The following TET3 variants were observed in gnomAD, a reference collection of about 807,000 sequenced individuals.
TET3 encodes methylcytosine dioxygenase TET3.
TET3 carries 19 observed loss-of-function variants against 141.4 expected under a neutral mutation model. The ratio of observed to expected loss-of-function variants is 0.13; its 90% CI spans 0.09 to 0.20. TET3 has a LOEUF of 0.20. TET3 is among the 10% of genes least tolerant of loss of function. The pLI is 1.00. For missense variants in TET3, 1,874 were observed against 2,356.9 expected, an observed-to-expected ratio of 0.80 and a Z score of 4.24; for synonymous variants, 1,043 against 980.9, an observed-to-expected ratio of 1.06 and a Z score of -1.18.
intron 7 of TET3, 150 bp downstream of exon 7, chr2:74,088,188 G>T (rs952381775): frequency 1.2e-6 from 1 of 836,818 alleles, no homozygotes; most frequent in Non-Finnish European, 1.8e-6. Context: ...GTTGAGGAAG[G>T]CATATCCACA....
rs764395317 is a variant in TET3, at chr2:74,089,920, A to G, written c.2912A>G (p.Lys971Arg). Residue 971 changes from lysine (K) to arginine (R), a missense_variant, in exon 8 of 12, where the codon AAA becomes AGA. Coordinates refer to ENST00000409262, the MANE Select transcript of TET3 (RefSeq NM_001287491.2). ...AGCCGGACCTGCGCTTGCCAAGGCA[A>G]AGACCCCAACACCTGTGGTGCCTCC... ...NDDRTCACQG[K>R]DPNTCGASFS... 1.9e-6 allele frequency: 3 copies of G among 1,613,928 alleles called. No homozygotes were observed. The East Asian group carries it at 6.7e-5, about 36-fold the overall frequency.
rs760570757 is a variant in TET3 at position 74,099,508 on chromosome 2, G to A, written c.3500G>A (p.Arg1167Lys). Residue 1167 changes from arginine (R) to lysine (K), a missense_variant, in exon 11 of 12, where the codon AGA becomes AAA. By Grantham distance (26) the Arg-to-Lys change is conservative. Coordinates refer to ENST00000409262, the MANE Select transcript of TET3 (RefSeq NM_001287491.2). ...TGCCGCCAGCGGCAGCTGGAAGCCA[G>A]AAAGGCAGCAGCCGAGAAGAAGAAG... Reference protein sequence around the residue: ...KSCRQRQLEARKAAAEKKKIQ... With the variant: ...KSCRQRQLEAKKAAAEKKKIQ... 1.2e-6 allele frequency: 2 copies of A among 1,613,422 alleles called. No homozygotes were observed. The highest frequency in any genetic ancestry group is 1.7e-6 in the Non-Finnish European group (2 of 1,179,702).
chr2:74,002,664 A>G (rs1176568753), intron 2 of TET3: 2 of 392,672 alleles, frequency 5.1e-6, no homozygotes, highest in African/African-American at 2.1e-5. Context: ...GCCCCCTCGC[A>G]CACCAGCCCC....
chr2:74,081,679 T>C (rs1229027132), intron 6 of TET3, among the ~76,000 whole-genome samples: 1 of 152,222 alleles, frequency 6.6e-6, no homozygotes, highest in African/African-American at 2.4e-5. Context: ...TGTCAGCATA[T>C]GTCCATCTGT....
intron 4 of TET3, among the ~76,000 whole-genome samples, chr2:74,069,836 G>C (rs1689109188): frequency 6.6e-6 from 1 of 152,116 alleles, no homozygotes; most frequent in Admixed American, 6.5e-5. Flanking sequence ...CTGGACTCAA[G>C]TGATCCTCCC....
chr2:73,990,171 A>T (rs1284330443), intron 2 of TET3, among the ~76,000 whole-genome samples: 1 of 151,474 alleles, frequency 6.6e-6, no homozygotes, highest in African/African-American at 2.4e-5. Flanking sequence ...AGGCAGGATG[A>T]TCACTTGAGA....
intron 6 of TET3, among the ~76,000 whole-genome samples, chr2:74,081,996 T>TC (rs928347962): frequency 6.6e-6 from 1 of 151,476 alleles, no homozygotes; most frequent in African/African-American, 2.4e-5. Flanking sequence ...GGGTGTTACC[T>TC]CCCCAGAGAA....
At position 74,101,896 on chromosome 2, in the gene TET3, A is replaced by G; in HGVS notation, c.5108A>G (p.Asn1703Ser). 1 of 1,613,242 alleles carries G rather than the reference A, an allele frequency of 6.2e-7. No homozygotes were observed. The highest frequency in any genetic ancestry group is 8.5e-7 in the Non-Finnish European group (1 of 1,179,764). The change falls in exon 12 of 12, where the codon AAC (asparagine) becomes AGC (serine). Residue 1703 changes from asparagine (N) to serine (S), a missense_variant. By Grantham distance (46) the Asn-to-Ser change is conservative. Around this residue, in one of 10 missense-constraint regions of TET3, gnomAD observed 41 missense variants for 116.8 expected, o/e 0.35. Coordinates refer to ENST00000409262, the MANE Select transcript of TET3 (RefSeq NM_001287491.2). This position sits in a 1 kb window ranked among gnomAD's most constrained non-coding sequence, Gnocchi z 8.5. ...FYQHKNLNQPNHGLALWEAKM... is the reference protein window; with the variant it reads ...FYQHKNLNQPSHGLALWEAKM... Reference sequence around the variant, plus strand: ...CAGCACAAGAACCTCAACCAGCCCAACCACGGGCTGGCCCTCTGGGAAGCC... The same window carrying G: ...CAGCACAAGAACCTCAACCAGCCCAGCCACGGGCTGGCCCTCTGGGAAGCC...
At chr2:74,067,917 T>G (rs1483960102) in intron 4 of TET3, among the ~76,000 whole-genome samples, 4 of 152,230 alleles carry the variant, frequency 2.6e-5, no homozygotes, top group African/African-American at 4.8e-5. Flanking sequence ...ATTTAGATTC[T>G]GTCTTCTGTC....
the TET3 span, among the ~76,000 whole-genome samples, chr2:74,114,614 G>C: frequency 1.3e-5 from 2 of 152,092 alleles, no homozygotes; most frequent in Middle Eastern, 3.4e-3. Context: ...CACTCTGGGA[G>C]ACCGAGGCAG....
rs777199933 is a variant in TET3 at position 74,101,556 on chromosome 2, G to A, written c.4768G>A (p.Glu1590Lys). ...CTTTGGTCTGCCCCTGGGATCCAGC[G>A]AGAAGCTGTTTGGGGCTCTGAAGTC... is the stretch of plus-strand genomic sequence containing the variant. ...QSFGLPLGSSEKLFGALKSEE... is the reference protein window; with the variant it reads ...QSFGLPLGSSKKLFGALKSEE... Residue 1590 changes from glutamate (E) to lysine (K), a missense_variant, in exon 12 of 12, where the codon GAG (glutamate) becomes AAG (lysine). Around this residue, in one of 10 missense-constraint regions of TET3, gnomAD observed 602 missense variants for 590.2 expected, o/e 1.02. Transcript: ENST00000409262. This position sits in a 1 kb window ranked among gnomAD's most constrained non-coding sequence, Gnocchi z 8.5. 8.1e-6 allele frequency: 13 copies of A among 1,609,132 alleles called. No individual in the cohort carries two copies. In the South Asian group the frequency reaches 8.8e-5, roughly 11 times the overall value.
At chr2:74,032,451 CTGTG>C (rs61217149) in intron 3 of TET3, among the ~76,000 whole-genome samples, 7,765 of 71,714 alleles carry the variant, frequency 0.11, 611 homozygotes, top group East Asian at 0.17. Context: ...GGGTGTGTCT[CTGTG>C]TGTGTGTGTG....
chr2:74,024,110 TTG>T (rs1686211818), intron 3 of TET3, among the ~76,000 whole-genome samples: 1 of 152,252 alleles, frequency 6.6e-6, no homozygotes, highest in Non-Finnish European at 1.5e-5. Flanking sequence ...AGATATGTAG[TTG>T]TGTGTGACTT....
chr2:74,040,855 A>G (rs1009885120), intron 3 of TET3, among the ~76,000 whole-genome samples: 3 of 152,126 alleles, frequency 2.0e-5, no homozygotes, highest in Non-Finnish European at 2.9e-5. Context: ...CGATCGCGCA[A>G]CTGCACTCCA....
At chr2:74,042,107 A>G (rs1448042211) in intron 3 of TET3, among the ~76,000 whole-genome samples, 2 of 152,080 alleles carry the variant, frequency 1.3e-5, no homozygotes, top group African/African-American at 2.4e-5. Context: ...CAGTTGATAC[A>G]CCTCTTGTAC....
intron 4 of TET3, among the ~76,000 whole-genome samples, chr2:74,067,410 T>A (rs1688966282): frequency 1.3e-5 from 2 of 152,358 alleles, no homozygotes; most frequent in Admixed American, 1.3e-4. Context: ...TGAGCTTATG[T>A]TATGTGCCAA....
At chr2:74,026,856 T>C (rs1335480477) in intron 3 of TET3, among the ~76,000 whole-genome samples, 1 of 152,168 alleles carries the variant, frequency 6.6e-6, no homozygotes, top group Non-Finnish European at 1.5e-5. Context: ...CCCCTGCCCA[T>C]GCATTTCCAG....
chr2:74,080,795 C>T (rs1689772950), intron 6 of TET3, among the ~76,000 whole-genome samples: 1 of 152,092 alleles, frequency 6.6e-6, no homozygotes, highest in Non-Finnish European at 1.5e-5. Context: ...GGTCATTTCC[C>T]CCAGCCTCAG....
At chr2:74,113,343 G>A in the TET3 span, among the ~76,000 whole-genome samples, 2 of 151,514 alleles carry the variant, frequency 1.3e-5, no homozygotes, top group Non-Finnish European at 1.5e-5. Context: ...CGGAGATCAC[G>A]CCACTGTACT....
Sources: allele counts gnomAD v4.1 joint callset (sites outside exome capture counted in the v4.1 genomes callset), GRCh38; gene constraint gnomAD v4.1.1; regional missense constraint gnomAD v4.1.1; non-coding constraint Gnocchi (gnomAD v3.1); transcripts MANE v1.5; gene names NCBI Gene and HGNC (gene_info 2026-07-23, HGNC 2026-07-21).